Variants in SLC11A2 observed in about 807,000 individuals in gnomAD.
The protein encoded by SLC11A2 is solute carrier family 11 member 2, also known as natural resistance-associated macrophage protein 2.
A neutral mutation model predicts 68.0 loss-of-function variants in SLC11A2; 38 were observed. The observed-to-expected ratio is 0.56, with a 90% CI of 0.43 to 0.73. The LOEUF is 0.73. SLC11A2 is among the 30% of genes least tolerant of loss of function. The pLI, the probability that SLC11A2 is intolerant of heterozygous loss-of-function variation, is 0.00. For missense variants in SLC11A2, 517 were observed against 690.5 expected (o/e 0.75, Z 2.82); for synonymous variants, 242 against 250.6 (o/e 0.97, Z 0.32).
the SLC11A2 span, among the ~76,000 whole-genome samples, chr12:50,965,107 G>A: frequency 6.6e-6 from 1 of 151,804 alleles, no homozygotes; most frequent in Non-Finnish European, 1.5e-5. Context: ...TTTTATGTTT[G>A]TGGGTTTTTT....
downstream of SLC11A2, among the ~76,000 whole-genome samples, chr12:50,977,383 C>T (rs1464217000): frequency 2.0e-5 from 3 of 152,148 alleles, no homozygotes; most frequent in Non-Finnish European, 4.4e-5. Context: ...CTGACAAAAA[C>T]GAGAAATGGG....
At chr12:50,993,016 CCT>C in intron 11 of SLC11A2, 87 bp from the exon 12 acceptor site, 1 of 1,527,068 alleles carries the variant, frequency 6.5e-7, no homozygotes, top group Non-Finnish European at 9.0e-7. Flanking sequence ...GGCATTTCTC[CCT>C]TCTTTGCTAT....
the SLC11A2 span, among the ~76,000 whole-genome samples, chr12:50,968,391 G>T: frequency 0.28 from 41,730 of 150,452 alleles, 6,362 homozygotes; most frequent in African/African-American, 0.4. Flanking sequence ...TTCTTTTTTT[G>T]TGTGTGTGTG....
intron 1 of SLC11A2, among the ~76,000 whole-genome samples, chr12:51,012,988 C>G (rs940236910): frequency 1.3e-5 from 2 of 152,156 alleles, no homozygotes; most frequent in African/African-American, 2.4e-5. Flanking sequence ...CCCGGCAAAG[C>G]CTTTTTACTT....
At chr12:50,993,149 T>C in intron 11 of SLC11A2, 2 of 529,492 alleles carry the variant, frequency 3.8e-6, no homozygotes, top group African/African-American at 2.0e-5. Flanking sequence ...CTCTGCCTAG[T>C]CCTTTCTCTT....
In SLC11A2 at chr12:50,992,916, C is replaced by G. The variant is rs1337516910; in HGVS notation, c.1091G>C (p.Gly364Ala). 2.5e-6 allele frequency: 4 copies of G among 1,613,806 alleles called. No individual in the cohort carries two copies. Among genetic ancestry groups the G allele is most frequent in the Non-Finnish European group, 3.4e-6 (4 of 1,179,970 alleles). The change falls in exon 12 of 16, where the codon GGA (glycine) becomes GCA (alanine). Residue 364 changes from glycine to alanine, a missense_variant. Transcript: ENST00000262052. ...VDIYKGGVVL[G>A]CYFGPAALYI... The stretch of plus-strand genomic sequence containing the variant: ...GAGTGCAGCAGGCCCAAAGTAACAT[C>G]CCAGCACAACACCCTGTGAGAGGCC...
chr12:51,028,124 A>G (rs1237911807), upstream of SLC11A2: 2 of 1,190,656 alleles, frequency 1.7e-6, no homozygotes, highest in Non-Finnish European at 2.4e-6. Flanking sequence ...CTAGAGCTGT[A>G]CTTGTCACCC....
chr12:50,979,176 C>T (rs1285981332), downstream of SLC11A2, among the ~76,000 whole-genome samples: 4 of 152,132 alleles, frequency 2.6e-5, no homozygotes, highest in Non-Finnish European at 5.9e-5. Flanking sequence ...ATTAAATATT[C>T]TTAACTTAGA....
intron 2 of SLC11A2, chr12:51,009,264 G>A: frequency 2.3e-6 from 3 of 1,302,492 alleles, no homozygotes; most frequent in Non-Finnish European, 2.9e-6. Flanking sequence ...AAGGCTTGCA[G>A]TAAAGTGCCG....
downstream of SLC11A2, among the ~76,000 whole-genome samples, chr12:50,982,114 CA>C: frequency 6.6e-6 from 1 of 152,200 alleles, no homozygotes; most frequent in African/African-American, 2.4e-5. Context: ...TAAGAACAAA[CA>C]AGCAGAATGC....
intron 2 of SLC11A2, chr12:51,008,977 TA>T: frequency 1.5e-6 from 1 of 659,218 alleles, no homozygotes; most frequent in Non-Finnish European, 2.7e-6. Context: ...CATTTTCCTC[TA>T]AAAACACTGA....
intron 1 of SLC11A2, among the ~76,000 whole-genome samples, chr12:51,021,571 G>A (rs1483960462): frequency 6.6e-6 from 1 of 151,478 alleles, no homozygotes; most frequent in Non-Finnish European, 1.5e-5. Context: ...AGGTTGCGGT[G>A]AGCTGAGATC....
the SLC11A2 span, chr12:50,954,051 G>C: frequency 2.5e-6 from 4 of 1,613,108 alleles, no homozygotes; most frequent in Non-Finnish European, 1.7e-6. Flanking sequence ...CAATTATCCC[G>C]ACTAATCAGG....
chr12:51,021,965 GGGCT>G (rs1428132727), intron 1 of SLC11A2, among the ~76,000 whole-genome samples: 2 of 152,014 alleles, frequency 1.3e-5, no homozygotes, highest in Admixed American at 6.6e-5. Flanking sequence ...GAATTAGAAG[GGGCT>G]GGTACCCATT....
intron 4 of SLC11A2, 32 bp from the exon 5 acceptor site, chr12:51,004,939 T>C (rs375958651): frequency 1.2e-5 from 19 of 1,612,376 alleles, no homozygotes; most frequent in African/African-American, 6.7e-5. Context: ...GTAACACTCA[T>C]TGAACAACTG....
At position 51,003,764 on chromosome 12, in the gene SLC11A2, CA is replaced by C. The variant is rs34667457; in HGVS notation, c.429+1023del. On this transcript the variant is annotated intron_variant, in intron 5 of 15. Transcript: ENST00000262052. ...ACAACATAGCAATACCTCATCTCCA[CA>C]AAAAAAAAAAAAAAAAAAATTTTAA... is the stretch of plus-strand genomic sequence containing the variant. Among the ~76,000 whole-genome samples the C allele has an allele frequency of 6.5e-3, 436 of 66,836 alleles. 2 individuals carry two copies. The highest frequency in any genetic ancestry group is 0.017 in the African/African-American group (319 of 19,084). 43.8% of individuals were successfully genotyped at this position (66,836 alleles called of 152,430 possible). A position where few individuals can be genotyped will look rare whatever the true frequency, so the allele number is the denominator to read the frequency against.
Position 50,987,893 on chromosome 12 carries a change from C to T in SLC11A2, c.*432G>A. 1.6e-6 allele frequency: 2 copies of T among 1,271,336 alleles called. No individual in the cohort carries two copies. Among genetic ancestry groups the T allele is most frequent in the Non-Finnish European group, 2.0e-6 (2 of 980,014 alleles). 78.8% of individuals were successfully genotyped at this position (1,271,336 alleles called of 1,614,324 possible). A position where few individuals can be genotyped will look rare whatever the true frequency, so the allele number is the denominator to read the frequency against. On this transcript the variant is annotated 3_prime_UTR_variant, in exon 16 of 16. Transcript: ENST00000262052. The stretch of plus-strand genomic sequence containing the variant: ...GGTAGGTATAAGGAAAATTTCTCAG[C>T]CTTTAAAAATCCATTACATTTTGAT...
chr12:50,981,165 C>G (rs1940001824), downstream of SLC11A2: 1 of 152,080 alleles, frequency 6.6e-6, no homozygotes, highest in Admixed American at 6.6e-5. Flanking sequence ...GTGTTAATAT[C>G]AGTAGATACA....
intron 13 of SLC11A2, among the ~76,000 whole-genome samples, 187 bp from the exon 14 acceptor site, chr12:50,991,859 A>C (rs1007455711): frequency 3.9e-5 from 6 of 152,180 alleles, no homozygotes; most frequent in Admixed American, 1.3e-4. Context: ...CCTAGCATAC[A>C]AACCTTTGTA....
Sources: gnomAD v4.1 joint callset for allele counts (sites outside exome capture counted in the v4.1 genomes callset) on GRCh38, gnomAD v4.1.1 for gene constraint, MANE v1.5 for transcripts, NCBI Gene and HGNC (gene_info 2026-07-23, HGNC 2026-07-21) for gene names.